IMPG1: variants seen among roughly 807,000 people sequenced by gnomAD.
IMPG1 encodes interphotoreceptor matrix proteoglycan of 150 kDa.
A neutral mutation model predicts 92.0 loss-of-function variants in IMPG1; 85 were observed. The ratio of observed to expected loss-of-function variants is 0.92; its 90% CI spans 0.78 to 1.11. IMPG1 has a LOEUF of 1.11. Among genes scored for constraint, IMPG1 ranks in the 50% least tolerant of loss-of-function variants. The pLI, the probability that IMPG1 is intolerant of heterozygous loss-of-function variation, is 0.00. For missense variants in IMPG1, 1,022 were observed against 956.0 expected (o/e 1.07, Z -0.91); for synonymous variants, 367 against 334.1 (o/e 1.10, Z -1.08).
chr6:76,027,459 A>G (rs1413297234), intron 4 of IMPG1, among the ~76,000 whole-genome samples: 3 of 152,234 alleles, frequency 2.0e-5, no homozygotes, highest in African/African-American at 7.2e-5. Flanking sequence ...AACTACTGAA[A>G]TTAGATTTAC....
At chr6:76,028,008 T>A (rs1270728861) in intron 4 of IMPG1, among the ~76,000 whole-genome samples, 1 of 152,194 alleles carries the variant, frequency 6.6e-6, no homozygotes, top group East Asian at 1.9e-4. Context: ...ATTCAACATA[T>A]TTAGGTACCT....
chr6:76,001,413 C>A (rs1040126505), intron 12 of IMPG1, among the ~76,000 whole-genome samples: 2 of 152,192 alleles, frequency 1.3e-5, no homozygotes, highest in East Asian at 1.9e-4. Context: ...TTCTTCCATA[C>A]TTCTCCCATC....
At chr6:75,998,526 A>G (rs954850139) in intron 12 of IMPG1, among the ~76,000 whole-genome samples, 1 of 152,254 alleles carries the variant, frequency 6.6e-6, no homozygotes, top group African/African-American at 2.4e-5. Context: ...AATGTCCAAT[A>G]GTACAGTAGC....
chr6:75,983,138 C>T (rs531533790), intron 12 of IMPG1, among the ~76,000 whole-genome samples: 1 of 151,786 alleles, frequency 6.6e-6, no homozygotes, highest in African/African-American at 2.4e-5. Flanking sequence ...TTTATTGAAA[C>T]TGATAGATTT....
At chr6:76,045,732 C>T (rs1320636897) in intron 1 of IMPG1, among the ~76,000 whole-genome samples, 1 of 152,052 alleles carries the variant, frequency 6.6e-6, no homozygotes, top group East Asian at 1.9e-4. Flanking sequence ...ATGAAAGCAC[C>T]CTTGAGTAAG....
chr6:76,024,853 C>A, intron 5 of IMPG1: 1 of 387,580 alleles, frequency 2.6e-6, no homozygotes, highest in South Asian at 1.9e-5. Flanking sequence ...TCCTTTACAT[C>A]AGGTTAAGTG....
At position 75,979,221 on chromosome 6, in the gene IMPG1, T is replaced by C. The variant is rs1389874244; in HGVS notation, c.1291+23697A>G. Among the ~76,000 whole-genome samples, 8 of 152,158 alleles carry C rather than the reference T, an allele frequency of 5.3e-5. No homozygotes were observed. The East Asian group carries it at 5.8e-4, about 11-fold the overall frequency. ...CGTGAGCCACTGCACCCCACCAAGA[T>C]TAATAAACTCTTAATATAGTATCAG... On this transcript the variant is annotated intron_variant, in intron 12 of 16. Transcript: ENST00000369950.
At chr6:76,036,649 A>G (rs143554260) in intron 2 of IMPG1, among the ~76,000 whole-genome samples, 1 of 152,376 alleles carries the variant, frequency 6.6e-6, no homozygotes, top group Non-Finnish European at 1.5e-5. Flanking sequence ...ATAAACATAA[A>G]TTACATTAAA....
rs911937217 is a variant in IMPG1 at position 76,018,702 on chromosome 6, G to A, written c.807+16C>T. Reference sequence around the variant, plus strand: ...TCACAGCTTGAGGTGTGGTTGTATGGGCCGGGTCTACTCACCTGAAGTTGG... The same window carrying A: ...TCACAGCTTGAGGTGTGGTTGTATGAGCCGGGTCTACTCACCTGAAGTTGG... On this transcript the variant is annotated intron_variant, in intron 7 of 16. Transcript: ENST00000369950. 3.1e-6 allele frequency: 5 copies of A among 1,610,664 alleles called. No homozygotes were observed. The highest frequency in any genetic ancestry group is 2.2e-5 in the East Asian group (1 of 44,800).
chr6:76,027,304 T>C (rs1247044214), intron 4 of IMPG1, among the ~76,000 whole-genome samples: 1 of 152,156 alleles, frequency 6.6e-6, no homozygotes, highest in Non-Finnish European at 1.5e-5. Flanking sequence ...TCACAATAGG[T>C]AAGGCCTGGG....
At chr6:76,027,248 T>C (rs1291793834) in intron 4 of IMPG1, among the ~76,000 whole-genome samples, 2 of 152,210 alleles carry the variant, frequency 1.3e-5, no homozygotes, top group Non-Finnish European at 2.9e-5. Context: ...TGTTTTGAGG[T>C]TATAAACTGC....
chr6:76,018,033 G>A (rs1464259110), intron 7 of IMPG1, among the ~76,000 whole-genome samples: 2 of 152,140 alleles, frequency 1.3e-5, no homozygotes, highest in South Asian at 2.1e-4. Flanking sequence ...ATGAGCCACC[G>A]CGGTTGGCAA....
In IMPG1 at chr6:76,046,550, C is replaced by G. The variant is rs758693230; in HGVS notation, c.68-4424G>C. 4.6e-5 allele frequency among the ~76,000 whole-genome samples: 7 copies of G among 152,122 alleles called. No homozygotes were observed. In the East Asian group the frequency reaches 1.3e-3, roughly 29 times the overall value. On this transcript the variant is annotated intron_variant, in intron 1 of 16. Coordinates refer to ENST00000369950, the MANE Select transcript of IMPG1 (RefSeq NM_001563.4). ...ATGAAAGAAAAAGGTAGTAGCAGCA[C>G]AAATCATATAATGTCACTCAACTAT...
rs57386883 is a variant in IMPG1 at position 75,965,365 on chromosome 6, CTT to C, written c.1292-14273_1292-14272del. 3.3e-3 allele frequency among the ~76,000 whole-genome samples: 481 copies of C among 145,066 alleles called. 1 individual carries two copies. Among genetic ancestry groups the C allele is most frequent in the African/African-American group, 8.7e-3 (346 of 39,878 alleles). ...ATGCATTTTCCAGCATTTGTTGTTA[CTT>C]TTTTTTTTTTTTAATTTTAGCTATT... On this transcript the variant is annotated intron_variant, in intron 12 of 16. Transcript: ENST00000369950.
chr6:76,029,119 C>T (rs1783608846), intron 4 of IMPG1, among the ~76,000 whole-genome samples: 1 of 152,226 alleles, frequency 6.6e-6, no homozygotes, highest in Non-Finnish European at 1.5e-5. Flanking sequence ...ATACCCTTGT[C>T]TATGCAGTCC....
At position 76,040,080 on chromosome 6, in the gene IMPG1, A is replaced by G. The variant is rs1783808295; in HGVS notation, c.301+1813T>C. Among the ~76,000 whole-genome samples, 6 of 152,152 alleles carry G rather than the reference A, an allele frequency of 3.9e-5. No homozygotes were observed. In the South Asian group the frequency reaches 1.2e-3, roughly 31 times the overall value. Reference sequence around the variant, plus strand: ...TTATTTCTTGTTTCTTTGTGAACCAATTTGTTCGACTTAAGAAACCCATGC... The same window carrying G: ...TTATTTCTTGTTTCTTTGTGAACCAGTTTGTTCGACTTAAGAAACCCATGC... On this transcript the variant is annotated intron_variant, in intron 2 of 16. Transcript: ENST00000369950.
rs1002413805 is a variant in IMPG1, at chr6:76,036,774, G to A, written c.302-1987C>T. 2.0e-5 allele frequency among the ~76,000 whole-genome samples: 3 copies of A among 148,086 alleles called. No homozygotes were observed. In the Admixed American group the frequency reaches 2.0e-4, roughly 10 times the overall value. On this transcript the variant is annotated intron_variant, in intron 2 of 16. Coordinates refer to ENST00000369950, the MANE Select transcript of IMPG1 (RefSeq NM_001563.4). ...GCTCACGTATCTGTTAAAAGAATTTGATGGTAAATATTGAGTGGCTATGGT... is the reference window on the plus strand; with the variant it reads ...GCTCACGTATCTGTTAAAAGAATTTAATGGTAAATATTGAGTGGCTATGGT...
chr6:76,051,248 C>T (rs374847652), intron 1 of IMPG1, among the ~76,000 whole-genome samples: 24 of 152,304 alleles, frequency 1.6e-4, no homozygotes, highest in African/African-American at 5.5e-4. Flanking sequence ...AGTAGATTCT[C>T]AATTACACAC....
chr6:76,044,762 A>G (rs984870054), intron 1 of IMPG1, among the ~76,000 whole-genome samples: 2 of 152,032 alleles, frequency 1.3e-5, no homozygotes, highest in Non-Finnish European at 2.9e-5. Flanking sequence ...TGACTTGGGA[A>G]GAGTATCTAC....
Sources: gnomAD v4.1 joint callset for allele counts (sites outside exome capture counted in the v4.1 genomes callset) on GRCh38, gnomAD v4.1.1 for gene constraint, MANE v1.5 for transcripts, NCBI Gene and HGNC (gene_info 2026-07-23, HGNC 2026-07-21) for gene names.